Variants in PUS7 observed in about 807,000 individuals in gnomAD.
The protein encoded by PUS7 is pseudouridylate synthase 7 homolog.
A neutral mutation model predicts 79.8 loss-of-function variants in PUS7; 48 were observed. The ratio of observed to expected loss-of-function variants is 0.60; its 90% CI spans 0.48 to 0.76. The LOEUF (loss-of-function observed/expected upper bound fraction) is 0.76. PUS7 is among the 30% of genes least tolerant of loss of function. The pLI is 0.00. For synonymous variants in PUS7, 286 were observed against 272.2 expected (o/e 1.05, Z -0.50); for missense variants, 729 against 797.6 (o/e 0.91, Z 1.04).
chr7:105,520,712 A>G (rs1313183750), intron 1 of PUS7, among the ~76,000 whole-genome samples: 1 of 151,848 alleles, frequency 6.6e-6, no homozygotes, highest in East Asian at 1.9e-4. Context: ...ATGGAGTGAG[A>G]CTCCGTCTAA....
chr7:105,460,493 T>C (rs1586081686), intron 14 of PUS7, among the ~76,000 whole-genome samples: 1 of 152,044 alleles, frequency 6.6e-6, no homozygotes, highest in African/African-American at 2.4e-5. Flanking sequence ...TTCCTGGAAA[T>C]AGGCAACTAG....
intron 7 of PUS7, among the ~76,000 whole-genome samples, chr7:105,486,081 C>T (rs541687533): frequency 4.0e-5 from 6 of 148,502 alleles, no homozygotes; most frequent in Admixed American, 2.0e-4. Flanking sequence ...GAGTGTTGCT[C>T]TGTCACTCAG....
At chr7:105,472,014 A>C (rs549712950) in intron 10 of PUS7, 118 bp downstream of exon 10, 11 of 649,342 alleles carry the variant, frequency 1.7e-5, no homozygotes, top group Admixed American at 3.2e-5. Flanking sequence ...TTATTGTAAA[A>C]ACAAATAAAA....
chr7:105,494,609 C>T (rs531864901), intron 6 of PUS7, among the ~76,000 whole-genome samples: 21 of 152,040 alleles, frequency 1.4e-4, no homozygotes, highest in African/African-American at 4.1e-4. Context: ...TGGGTTTCAC[C>T]ATGTTGGCCA....
intron 11 of PUS7, among the ~76,000 whole-genome samples, chr7:105,469,169 T>C (rs745370842): frequency 3.3e-5 from 5 of 152,172 alleles, no homozygotes; most frequent in Non-Finnish European, 5.9e-5. Context: ...CCTCCCAAAG[T>C]GCTGGGATTA....
intron 1 of PUS7, among the ~76,000 whole-genome samples, chr7:105,515,790 A>AC (rs1825869577): frequency 3.1e-5 from 1 of 31,818 alleles, no homozygotes; most frequent in Non-Finnish European, 5.3e-5. Flanking sequence ...ATTTTATTTT[A>AC]TTTTATTTAT....
intron 9 of PUS7, among the ~76,000 whole-genome samples, chr7:105,475,807 C>T (rs1824084587): frequency 6.6e-6 from 1 of 152,106 alleles, no homozygotes; most frequent in Non-Finnish European, 1.5e-5. Context: ...TTTTAATCTT[C>T]CCCAGCTGAA....
intron 1 of PUS7, among the ~76,000 whole-genome samples, chr7:105,516,003 G>T (rs1825881208): frequency 6.6e-6 from 1 of 151,968 alleles, no homozygotes; most frequent in Non-Finnish European, 1.5e-5. Context: ...TAGAGACGGG[G>T]TTTCACCATG....
At chr7:105,459,671 C>T (rs1249077472) in intron 14 of PUS7, among the ~76,000 whole-genome samples, 1 of 151,848 alleles carries the variant, frequency 6.6e-6, no homozygotes, top group Non-Finnish European at 1.5e-5. Context: ...CTCCTGACCT[C>T]AGGTGATCCA....
chr7:105,510,743 G>C (rs1414875627), intron 1 of PUS7, among the ~76,000 whole-genome samples: 1 of 152,060 alleles, frequency 6.6e-6, no homozygotes, highest in African/African-American at 2.4e-5. Context: ...TCGAACTCCT[G>C]ACCTCAAGTG....
At chr7:105,514,537 G>A (rs1478772311) in intron 1 of PUS7, among the ~76,000 whole-genome samples, 3 of 151,452 alleles carry the variant, frequency 2.0e-5, no homozygotes, top group Non-Finnish European at 2.9e-5. Flanking sequence ...CCGGGAGGCC[G>A]AGCTTGCAGT....
intron 5 of PUS7, among the ~76,000 whole-genome samples, chr7:105,500,334 G>A (rs550382950): frequency 6.6e-6 from 1 of 152,262 alleles, no homozygotes; most frequent in African/African-American, 2.4e-5. Context: ...TGTCGCATAA[G>A]CAGAGAAAAT....
At chr7:105,505,483 G>C (rs1825417528) in intron 4 of PUS7, among the ~76,000 whole-genome samples, 1 of 152,092 alleles carries the variant, frequency 6.6e-6, no homozygotes, top group Non-Finnish European at 1.5e-5. Flanking sequence ...ATCTGACCTG[G>C]GTCACATACC....
At chr7:105,484,723 C>T (rs955204905) in intron 7 of PUS7, among the ~76,000 whole-genome samples, 4 of 150,144 alleles carry the variant, frequency 2.7e-5, no homozygotes, top group African/African-American at 9.8e-5. Context: ...GGGGCTGAGG[C>T]AGGAGAATTG....
At chr7:105,458,003 G>T in intron 15 of PUS7, 77 bp from the exon 16 acceptor site, 1 of 1,520,670 alleles carries the variant, frequency 6.6e-7, no homozygotes, top group Non-Finnish European at 8.8e-7. Context: ...TAATCTCTAA[G>T]CAAATACAAA....
chr7:105,498,655 T>C (rs1825130910), intron 5 of PUS7, among the ~76,000 whole-genome samples: 1 of 152,216 alleles, frequency 6.6e-6, no homozygotes, highest in African/African-American at 2.4e-5. Flanking sequence ...TTATTCAAGG[T>C]CATTCCCACC....
At chr7:105,485,218 CGTT>C (rs1474409584) in intron 7 of PUS7, among the ~76,000 whole-genome samples, 2 of 150,570 alleles carry the variant, frequency 1.3e-5, no homozygotes, top group Non-Finnish European at 3.0e-5. Context: ...TTGTTGTCGT[CGTT>C]GTTTTTTGAG....
chr7:105,480,311 A>G (rs1027780795), intron 9 of PUS7, among the ~76,000 whole-genome samples: 2 of 151,992 alleles, frequency 1.3e-5, no homozygotes, highest in African/African-American at 2.4e-5. Flanking sequence ...CGCCACTACT[A>G]AAAATACAAC....
At chr7:105,494,380 C>A (rs1426519777) in intron 6 of PUS7, among the ~76,000 whole-genome samples, 2 of 150,334 alleles carry the variant, frequency 1.3e-5, no homozygotes, top group African/African-American at 4.9e-5. Context: ...AGAAACAATG[C>A]ACTTCCTATC....
Sources: allele counts gnomAD v4.1 joint callset (sites outside exome capture counted in the v4.1 genomes callset), GRCh38; gene constraint gnomAD v4.1.1; transcripts MANE v1.5; gene names NCBI Gene and HGNC (gene_info 2026-07-23, HGNC 2026-07-21).